The following CBL variants were observed in gnomAD, a reference collection of about 807,000 sequenced individuals.
The protein encoded by CBL is E3 ubiquitin-protein ligase CBL.
CBL carries 45 observed loss-of-function variants against 96.9 expected under a neutral mutation model. The ratio of observed to expected loss-of-function variants is 0.46; its 90% confidence interval spans 0.37 to 0.60. CBL has a LOEUF of 0.60. CBL is among the 20% of genes least tolerant of loss of function. The probability of loss-of-function intolerance (pLI) is 0.00; values close to 1 mark genes in which losing one functional copy is unlikely to be tolerated. For synonymous variants in CBL, 420 were observed against 426.8 expected (o/e 0.98, Z 0.20); for missense variants, 1,024 against 1,143.5 (o/e 0.90, Z 1.51).
intron 2 of CBL, among the ~76,000 whole-genome samples, chr11:119,269,245 G>GTT: frequency 7.4e-6 from 1 of 134,674 alleles, no homozygotes; most frequent in African/African-American, 2.9e-5. Flanking sequence ...TTGGATAAGT[G>GTT]CTTTTTTTTT....
rs887884943 is a variant in CBL at position 119,308,074 on chromosome 11, TTAAC to T, written c.*8297_*8300del. The stretch of plus-strand genomic sequence containing the variant: ...TTTTTTCATTTCCATACACAGTTAG[TTAAC>T]TAAAGAGCTTTTTCAAGCACCCATG... On this transcript the variant is annotated 3_prime_UTR_variant, in exon 16 of 16. Coordinates refer to ENST00000264033, the MANE Select transcript of CBL (RefSeq NM_005188.4). 1.7e-5 allele frequency: 3 copies of T among 177,190 alleles called. No homozygotes were observed. The highest frequency in any genetic ancestry group is 7.1e-5 in the African/African-American group (3 of 42,320). 11.0% of individuals were successfully genotyped at this position (177,190 alleles called of 1,614,324 possible).
chr11:119,216,685 A>G (rs1487732452), intron 1 of CBL, among the ~76,000 whole-genome samples: 1 of 152,102 alleles, frequency 6.6e-6, no homozygotes, highest in Non-Finnish European at 1.5e-5. Flanking sequence ...GACTTATTTT[A>G]AACAGCAGCA....
chr11:119,264,410 TCTC>T (rs1311773740), intron 2 of CBL, among the ~76,000 whole-genome samples: 3 of 123,606 alleles, frequency 2.4e-5, no homozygotes, highest in African/African-American at 9.9e-5. Flanking sequence ...TCTCTTCTCT[TCTC>T]TTCTCTTCTC....
At chr11:119,279,322 A>ATCAC (rs1299851183) in intron 9 of CBL, among the ~76,000 whole-genome samples, 5 of 152,072 alleles carry the variant, frequency 3.3e-5, no homozygotes, top group African/African-American at 1.2e-4. Flanking sequence ...CAATATAGTG[A>ATCAC]GACCCTATCT....
intron 9 of CBL, among the ~76,000 whole-genome samples, chr11:119,280,604 T>G (rs1949925780): frequency 1.3e-5 from 2 of 152,170 alleles, no homozygotes; most frequent in African/African-American, 4.8e-5. Context: ...GGATTTTTTT[T>G]AAGGTTTAAA....
chr11:119,212,534 G>C (rs1949326516), intron 1 of CBL, among the ~76,000 whole-genome samples: 2 of 151,956 alleles, frequency 1.3e-5, no homozygotes, highest in Admixed American at 1.3e-4. Context: ...GCTGAGGCAG[G>C]AGAATCCCTT....
rs767699734 is a variant in CBL at position 119,298,339 on chromosome 11, A to T, written c.2252-19A>T. ...ATGAAGTGCGTCAGAAGAAGATAAC[A>T]TCACTCATTTTTCTCCAGGTGAAGG... On this transcript the variant is annotated intron_variant, in intron 14 of 15. Coordinates refer to ENST00000264033, the MANE Select transcript of CBL (RefSeq NM_005188.4). The T allele has an allele frequency of 6.2e-7, 1 of 1,611,346 alleles. No individual in the cohort carries two copies. The highest frequency in any genetic ancestry group is 1.3e-5 in the African/African-American group (1 of 74,886).
intron 1 of CBL, among the ~76,000 whole-genome samples, chr11:119,220,479 G>A (rs376539307): frequency 6.6e-6 from 1 of 152,184 alleles, no homozygotes; most frequent in Non-Finnish European, 1.5e-5. Flanking sequence ...CATGCCTGTA[G>A]TCCCAGCTAC....
At chr11:119,242,339 C>T (rs61378147) in intron 2 of CBL, among the ~76,000 whole-genome samples, 5 of 151,642 alleles carry the variant, frequency 3.3e-5, no homozygotes, top group Admixed American at 2.6e-4. Flanking sequence ...GTCAGGAGTT[C>T]GAGACCAGCG....
chr11:119,221,436 T>G (rs1010209644), intron 1 of CBL, among the ~76,000 whole-genome samples: 4 of 151,996 alleles, frequency 2.6e-5, no homozygotes, highest in African/African-American at 9.7e-5. Context: ...GGTTTCTGAT[T>G]TGTCTTTGAA....
chr11:119,256,192 CT>C (rs199662024), intron 2 of CBL, among the ~76,000 whole-genome samples: 3,334 of 136,560 alleles, frequency 0.024, 84 homozygotes, highest in African/African-American at 0.065. Context: ...TTTGTACATT[CT>C]TTTTTTTTTT....
chr11:119,276,189 A>G (rs1252164405), intron 6 of CBL, 55 bp downstream of exon 6: 17 of 1,545,404 alleles, frequency 1.1e-5, no homozygotes, highest in Middle Eastern at 1.7e-4. Context: ...GGGCTGTCCA[A>G]CCTCATCATT....
chr11:119,245,677 T>C (rs1463463337), intron 2 of CBL, among the ~76,000 whole-genome samples: 1 of 152,056 alleles, frequency 6.6e-6, no homozygotes, highest in Non-Finnish European at 1.5e-5. Flanking sequence ...TGCAGTGAGC[T>C]GAGATTGTGC....
chr11:119,229,056 C>A (rs1949481734), intron 1 of CBL, among the ~76,000 whole-genome samples: 1 of 152,078 alleles, frequency 6.6e-6, no homozygotes, highest in African/African-American at 2.4e-5. Flanking sequence ...TCTTCTGGAT[C>A]TTTCTTAATA....
chr11:119,236,581 T>C (rs1480543931), intron 2 of CBL, among the ~76,000 whole-genome samples: 1 of 138,342 alleles, frequency 7.2e-6, no homozygotes, highest in Non-Finnish European at 1.5e-5. Context: ...CATATATGTT[T>C]TCACTTCTTT....
chr11:119,259,099 G>A (rs1021538932), intron 2 of CBL, among the ~76,000 whole-genome samples: 4 of 152,168 alleles, frequency 2.6e-5, no homozygotes, highest in Admixed American at 1.3e-4. Flanking sequence ...TTGTTGATGT[G>A]TAGCAGTGCT....
chr11:119,247,714 G>A (rs554439201), intron 2 of CBL, among the ~76,000 whole-genome samples: 1 of 152,308 alleles, frequency 6.6e-6, no homozygotes, highest in East Asian at 1.9e-4. Flanking sequence ...GGGAGGCTAA[G>A]GCAGGAGAAT....
chr11:119,256,362 G>T (rs1949710954), intron 2 of CBL, among the ~76,000 whole-genome samples: 1 of 151,884 alleles, frequency 6.6e-6, no homozygotes, highest in African/African-American at 2.4e-5. Context: ...GTTTTTCTCA[G>T]TAGAGATAGA....
intron 15 of CBL, 146 bp from the exon 16 acceptor site, chr11:119,299,349 C>A: frequency 1.4e-6 from 1 of 717,470 alleles, no homozygotes; most frequent in South Asian, 1.7e-5. Context: ...ACCCTTGAAC[C>A]TGTAAAACCC....
Sources: gnomAD v4.1 joint callset for allele counts (sites outside exome capture counted in the v4.1 genomes callset) on GRCh38, gnomAD v4.1.1 for gene constraint, MANE v1.5 for transcripts, NCBI Gene and HGNC (gene_info 2026-07-23, HGNC 2026-07-21) for gene names.